DYNC2I2: variants seen among roughly 807,000 people sequenced by gnomAD.
The protein encoded by DYNC2I2 is dynein 2 intermediate chain 2, also known as cytoplasmic dynein 2 intermediate chain 2.
In DYNC2I2, 39 loss-of-function variants were observed where a neutral mutation model predicts 52.0. The ratio of observed to expected loss-of-function variants is 0.75; its 90% CI spans 0.58 to 0.98. The LOEUF (loss-of-function observed/expected upper bound fraction) is 0.98. DYNC2I2 is among the 50% of genes least tolerant of loss of function. The pLI, the probability that DYNC2I2 is intolerant of heterozygous loss-of-function variation, is 0.00. For synonymous variants in DYNC2I2, 359 were observed against 321.1 expected (o/e 1.12, Z -1.26); for missense variants, 743 against 728.4 (o/e 1.02, Z -0.23).
intron 4 of DYNC2I2, 133 bp from the exon 5 acceptor site, chr9:128,635,900 C>A: frequency 1.2e-6 from 1 of 822,372 alleles, no homozygotes; most frequent in Non-Finnish European, 2.0e-6. Context: ...TGGAAGTCAT[C>A]CCCACAGAGG....
In DYNC2I2 at chr9:128,635,742, C is replaced by T; in HGVS notation, c.729G>A (p.Leu243=). 1.9e-6 allele frequency: 3 copies of T among 1,613,088 alleles called. No homozygotes were observed. The highest frequency in any genetic ancestry group is 2.5e-6 in the Non-Finnish European group (3 of 1,179,596). ...VAGGLYSGEV[L]VWDLSRLEDP... is the part of the protein sequence containing the mutation. ...CCTCAAGACGGCTCAGGTCCCACAC[C>T]AACACCTCACCACTGTACAGCCCTC... is the stretch of plus-strand genomic sequence containing the variant. Residue 243 remains leucine, a synonymous_variant, in exon 5 of 9, where the codon TTG becomes TTA. Coordinates refer to ENST00000372715, the MANE Select transcript of DYNC2I2 (RefSeq NM_052844.4).
chr9:128,640,837 C>A lies in DYNC2I2; in HGVS notation c.289G>T (p.Val97Leu), dbSNP rs748058396. Residue 97 changes from valine (V) to leucine (L), a missense_variant, in exon 2 of 9, where the codon GTG becomes TTG. Coordinates refer to ENST00000372715, the MANE Select transcript of DYNC2I2 (RefSeq NM_052844.4). ...ATGTCATACTGGGACGGGGGCTGCA[C>A]GCTGACAGGCACGGGGGCCTCCGTC... ...VQTEAPVPVS[V>L]QPPSQYDIPR... 2 of 1,613,968 alleles carry A rather than the reference C, an allele frequency of 1.2e-6. No individual in the cohort carries two copies. The highest frequency in any genetic ancestry group is 2.2e-5 in the East Asian group (1 of 44,886).
At chr9:128,656,419 AGCCACG>A in intron 1 of DYNC2I2, 116 bp downstream of exon 1, 1 of 734,828 alleles carries the variant, frequency 1.4e-6, no homozygotes, top group Non-Finnish European at 1.7e-6. Context: ...CCCGCCCGGC[AGCCACG>A]GTGGGACGCC....
rs576451944 is a variant in DYNC2I2 at position 128,646,602 on chromosome 9, C to T, written c.187-5663G>A. The stretch of plus-strand genomic sequence containing the variant: ...CGGCTTCAAAGCTTCGAGAGACAGG[C>T]TGACTCTCTTGTTAGGGGCTAATGC... On this transcript the variant is annotated intron_variant, in intron 1 of 8. Coordinates refer to ENST00000372715, the MANE Select transcript of DYNC2I2 (RefSeq NM_052844.4). Among the ~76,000 whole-genome samples, 68 of 152,360 alleles carry T rather than the reference C, an allele frequency of 4.5e-4. 1 individual carries two copies. In the South Asian group the frequency reaches 0.014, roughly 31 times the overall value.
chr9:128,636,365 G>A lies in DYNC2I2; in HGVS notation c.619C>T (p.Pro207Ser), dbSNP rs1157872780. 6.2e-6 allele frequency: 10 copies of A among 1,609,510 alleles called. No individual in the cohort carries two copies. Among genetic ancestry groups the A allele is most frequent in the Non-Finnish European group, 7.6e-6 (9 of 1,178,316 alleles). Reference sequence around the variant, plus strand: ...TCCACCACGGCCGACGGCTGCTGGGGACGCAGGTCTCGCCGGTCCAGGTTC... The same window carrying A: ...TCCACCACGGCCGACGGCTGCTGGGAACGCAGGTCTCGCCGGTCCAGGTTC... ...AWNLDRRDLR[P>S]QQPSAVVEVP... Residue 207 changes from proline to serine, a missense_variant, in exon 4 of 9, where the codon CCC (proline) becomes TCC (serine). Transcript: ENST00000372715.
chr9:128,650,006 T>C lies in DYNC2I2; in HGVS notation c.186+6535A>G. 3.5e-5 allele frequency among the ~76,000 whole-genome samples: 2 copies of C among 56,526 alleles called. 1 individual carries two copies. Among genetic ancestry groups the C allele is most frequent in the South Asian group, 1.1e-3 (2 of 1,800 alleles). The allele number at this position is 56,526 out of a possible 152,430, so 37.1% of individuals were successfully genotyped here. A position where few individuals can be genotyped will look rare whatever the true frequency, so the allele number is the denominator to read the frequency against. The stretch of plus-strand genomic sequence containing the variant: ...AGACTCTAAAATATAAATAAATAAA[T>C]GAAAAATTTTTTAAAAAACTACTGG... On this transcript the variant is annotated intron_variant, in intron 1 of 8. Coordinates refer to ENST00000372715, the MANE Select transcript of DYNC2I2 (RefSeq NM_052844.4).
At chr9:128,634,146 C>T in intron 8 of DYNC2I2, 80 bp downstream of exon 8, 2 of 1,591,330 alleles carry the variant, frequency 1.3e-6, no homozygotes, top group Non-Finnish European at 1.7e-6. Context: ...GGTCTTTTCC[C>T]CAACCCAGAA....
intron 1 of DYNC2I2, among the ~76,000 whole-genome samples, chr9:128,641,923 T>C (rs186340349): frequency 1.3e-5 from 2 of 152,012 alleles, no homozygotes; most frequent in Admixed American, 1.3e-4. Flanking sequence ...GATCTTTGTA[T>C]CCCCAGCACT....
chr9:128,658,212 G>T (rs902680608), upstream of DYNC2I2, among the ~76,000 whole-genome samples: 7 of 150,762 alleles, frequency 4.6e-5, no homozygotes, highest in African/African-American at 1.7e-4. Flanking sequence ...GTCGCCCAAG[G>T]TGGAGTGCAG....
the DYNC2I2 span, among the ~76,000 whole-genome samples, chr9:128,682,236 G>C: frequency 1.3e-5 from 2 of 151,860 alleles, no homozygotes; most frequent in Non-Finnish European, 2.9e-5. Flanking sequence ...TTTTAGTAGA[G>C]GTGGGGCTTC....
intron 1 of DYNC2I2, among the ~76,000 whole-genome samples, chr9:128,643,471 G>A (rs901228315): frequency 6.6e-6 from 1 of 151,176 alleles, no homozygotes; most frequent in Admixed American, 6.6e-5. Context: ...AGGTTGCAGT[G>A]AGCCGAGATC....
the DYNC2I2 span, among the ~76,000 whole-genome samples, chr9:128,662,103 T>A: frequency 6.8e-6 from 1 of 147,770 alleles, no homozygotes; most frequent in Non-Finnish European, 1.5e-5. Context: ...CATGGTTGCA[T>A]GTGCCTGTAG....
the DYNC2I2 span, among the ~76,000 whole-genome samples, chr9:128,677,049 C>T: frequency 2.0e-5 from 3 of 151,362 alleles, no homozygotes; most frequent in Admixed American, 6.6e-5. Flanking sequence ...GGGGTTTCAC[C>T]GTGTTTGCCA....
At position 128,635,833 on chromosome 9, in the gene DYNC2I2, C is replaced by T. The variant is rs1589429485; in HGVS notation, c.704-66G>A. The stretch of plus-strand genomic sequence containing the variant: ...CCCAGCCTGACTTCCTGGCCAAACA[C>T]CCGCCCCAGCCCACCTACAGGGCCA... On this transcript the variant is annotated intron_variant, in intron 4 of 8. Coordinates refer to ENST00000372715, the MANE Select transcript of DYNC2I2 (RefSeq NM_052844.4). The T allele has an allele frequency of 4.1e-6, 6 of 1,448,462 alleles. No individual in the cohort carries two copies. The East Asian group carries it at 1.5e-4, about 36-fold the overall frequency. The allele number at this position is 1,448,462 out of a possible 1,614,324, so 89.7% of individuals were successfully genotyped here.
chr9:128,665,546 G>C, the DYNC2I2 span, among the ~76,000 whole-genome samples: 8 of 152,032 alleles, frequency 5.3e-5, no homozygotes, highest in Admixed American at 2.6e-4. Flanking sequence ...GAGGCAGGTG[G>C]ATCACCGGAG....
the DYNC2I2 span, among the ~76,000 whole-genome samples, chr9:128,668,840 A>G: frequency 0.01 from 1,592 of 151,812 alleles, 18 homozygotes; most frequent in African/African-American, 0.036. Flanking sequence ...AAAAAAAAAG[A>G]AAAGGAAAGA....
chr9:128,684,093 G>T, the DYNC2I2 span: 4 of 1,099,814 alleles, frequency 3.6e-6, no homozygotes, highest in Non-Finnish European at 4.0e-6. Context: ...TCCCTCTTGA[G>T]ATGTGACCCC....
chr9:128,661,897 C>T, the DYNC2I2 span, among the ~76,000 whole-genome samples: 1 of 152,082 alleles, frequency 6.6e-6, no homozygotes, highest in Non-Finnish European at 1.5e-5. Context: ...CAAAAATTAG[C>T]TGGGCGTGGT....
Position 128,634,369 on chromosome 9 carries a change from C to A in DYNC2I2, c.1229G>T (p.Ser410Ile). 6.3e-7 allele frequency: 1 copy of A among 1,594,936 alleles called. No individual in the cohort carries two copies. Among genetic ancestry groups the A allele is most frequent in the South Asian group, 1.1e-5 (1 of 88,152 alleles). The change falls in exon 8 of 9, where the codon AGC becomes ATC. Residue 410 changes from serine (S) to isoleucine (I), a missense_variant. By Grantham distance (142) the Ser-to-Ile change is moderately radical. Transcript: ENST00000372715. Reference sequence around the variant, plus strand: ...GTGGACATGCCCGTCAGTCCCAGCGCTCAGGAAGAGATTCCTAGACGGGAT... The same window carrying A: ...GTGGACATGCCCGTCAGTCCCAGCGATCAGGAAGAGATTCCTAGACGGGAT... ...CSPFHRNLFL[S>I]AGTDGHVHLY... is the part of the protein sequence containing the mutation.
Sources: gnomAD v4.1 joint callset for allele counts (sites outside exome capture counted in the v4.1 genomes callset) on GRCh38, gnomAD v4.1.1 for gene constraint, MANE v1.5 for transcripts, NCBI Gene and HGNC (gene_info 2026-07-23, HGNC 2026-07-21) for gene names.